Variants in SRP54 observed in about 807,000 individuals in gnomAD.
The protein encoded by SRP54 is signal recognition particle subunit SRP54.
A neutral mutation model predicts 64.8 loss-of-function variants in SRP54; 10 were observed. That is an observed-to-expected ratio of 0.15 (90% CI 0.10 to 0.26). SRP54 has a LOEUF of 0.26. Ranked by LOEUF, SRP54 falls within the 10% of genes least tolerant of loss-of-function variation. SRP54 has a pLI of 1.00. For missense variants in SRP54, 325 were observed against 613.7 expected (o/e 0.53, Z 4.97); for synonymous variants, 193 against 185.6 (o/e 1.04, Z -0.32).
chr14:35,016,856 TTTTTC>T (rs1595008272), intron 11 of SRP54, among the ~76,000 whole-genome samples: 3 of 144,284 alleles, frequency 2.1e-5, no homozygotes, highest in Admixed American at 6.9e-5. Flanking sequence ...TTTTTTTTTT[TTTTTC>T]TTCTTTTTTT....
Position 35,022,896 on chromosome 14 carries a change from G to T in SRP54, c.1157-14G>T. 1 of 1,587,452 alleles carries T rather than the reference G, an allele frequency of 6.3e-7. No individual in the cohort carries two copies. The highest frequency in any genetic ancestry group is 8.6e-7 in the Non-Finnish European group (1 of 1,165,860). ...ATGATAATTGTGTGTGAGAGTAACT[G>T]ACCTTGTCTACAGAACTAGACAGTA... On this transcript the variant is annotated splice_polypyrimidine_tract_variant and intron_variant, in intron 13 of 15. Coordinates refer to ENST00000216774, the MANE Select transcript of SRP54 (RefSeq NM_003136.4).
intron 1 of SRP54, among the ~76,000 whole-genome samples, chr14:34,994,307 C>G (rs891438319): frequency 1.3e-5 from 2 of 152,102 alleles, no homozygotes; most frequent in Admixed American, 6.6e-5. Context: ...TGCTGTTTCT[C>G]TTATTTTTAA....
chr14:35,002,999 G>T (rs2044201941), intron 4 of SRP54, among the ~76,000 whole-genome samples: 1 of 152,018 alleles, frequency 6.6e-6, no homozygotes, highest in South Asian at 2.1e-4. Flanking sequence ...ACCTGCCTTG[G>T]CCTCCCAAAG....
chr14:35,013,518 C>A, intron 9 of SRP54, 24 bp downstream of exon 9: 1 of 1,609,510 alleles, frequency 6.2e-7, no homozygotes, highest in Non-Finnish European at 8.5e-7. Flanking sequence ...ATACTGTTGT[C>A]CTCTGTCTTG....
intron 1 of SRP54, among the ~76,000 whole-genome samples, chr14:34,991,118 T>C (rs903316377): frequency 1.3e-4 from 17 of 130,534 alleles, no homozygotes; most frequent in African/African-American, 4.4e-4. Context: ...TCTTTTTTTT[T>C]TTTTTTTTTT....
At chr14:35,026,990 C>G (rs2044639080) in intron 14 of SRP54, among the ~76,000 whole-genome samples, 1 of 151,522 alleles carries the variant, frequency 6.6e-6, no homozygotes. Flanking sequence ...TACACATCTT[C>G]ACGTTCTCTC....
chr14:35,015,597 A>G (rs972789938), intron 11 of SRP54, among the ~76,000 whole-genome samples: 3 of 151,272 alleles, frequency 2.0e-5, no homozygotes, highest in South Asian at 2.1e-4. Flanking sequence ...TTTGTCATCT[A>G]TAAAACGTAC....
At chr14:35,001,338 A>G (rs1402759451) in intron 4 of SRP54, among the ~76,000 whole-genome samples, 1 of 151,928 alleles carries the variant, frequency 6.6e-6, no homozygotes, top group Non-Finnish European at 1.5e-5. Flanking sequence ...TTTAGTAGAG[A>G]CGGGGTTTCT....
chr14:34,995,549 C>G (rs1306255018), intron 1 of SRP54, among the ~76,000 whole-genome samples: 1 of 152,150 alleles, frequency 6.6e-6, no homozygotes, highest in Non-Finnish European at 1.5e-5. Context: ...AGGGCAGGGA[C>G]TACAAATCAT....
chr14:35,023,886 T>G (rs916069378), intron 14 of SRP54, among the ~76,000 whole-genome samples: 1 of 152,208 alleles, frequency 6.6e-6, no homozygotes, highest in Admixed American at 6.6e-5. Context: ...GCCACTTTTT[T>G]GGACAGTAAG....
intron 1 of SRP54, among the ~76,000 whole-genome samples, chr14:34,986,296 CAG>C (rs777508841): frequency 6.6e-5 from 10 of 152,132 alleles, no homozygotes; most frequent in African/African-American, 1.7e-4. Flanking sequence ...TAAGTTAAGA[CAG>C]AGGTGGTATG....
chr14:34,994,689 T>C (rs1236455917), intron 1 of SRP54, among the ~76,000 whole-genome samples: 1 of 152,178 alleles, frequency 6.6e-6, no homozygotes, highest in African/African-American at 2.4e-5. Flanking sequence ...CTCCACTTAC[T>C]CAAATTCTAC....
chr14:34,999,735 C>G, intron 3 of SRP54, 86 bp downstream of exon 3: 1 of 979,936 alleles, frequency 1.0e-6, no homozygotes, highest in Non-Finnish European at 1.6e-6. Flanking sequence ...TTTGCTGTAT[C>G]AGGAATCATT....
At chr14:35,026,614 A>G (rs1371194179) in intron 14 of SRP54, among the ~76,000 whole-genome samples, 1 of 152,088 alleles carries the variant, frequency 6.6e-6, no homozygotes, top group Non-Finnish European at 1.5e-5. Flanking sequence ...AAGTTGCATT[A>G]TTTGTCTTTG....
intron 3 of SRP54, 58 bp from the exon 4 acceptor site, chr14:35,000,878 T>TA (rs1566646370): frequency 3.3e-6 from 3 of 901,298 alleles, no homozygotes; most frequent in African/African-American, 1.7e-5. Context: ...TTCTTTTTCT[T>TA]AGAGTTTCTT....
chr14:35,003,067 C>T (rs1352546469), intron 4 of SRP54, among the ~76,000 whole-genome samples: 1 of 151,974 alleles, frequency 6.6e-6, no homozygotes, highest in Non-Finnish European at 1.5e-5. Flanking sequence ...TTGTTAGGGG[C>T]TCGTAACTGT....
At chr14:35,008,553 G>A (rs372371127) in intron 5 of SRP54, 74 bp from the exon 6 acceptor site, 8 of 1,041,044 alleles carry the variant, frequency 7.7e-6, no homozygotes, top group Non-Finnish European at 1.3e-6. Flanking sequence ...AAATAATAAG[G>A]AAAAACAGAA....
Position 35,013,334 on chromosome 14 carries a change from T to A in SRP54, c.637-12T>A, listed in dbSNP as rs763374105. On this transcript the variant is annotated splice_polypyrimidine_tract_variant and intron_variant, in intron 8 of 15. Transcript: ENST00000216774. ...TCTTTTCTAAAGTATCTTTTCTATTTAAACTTTCTAGCAACCTGATAACAT... is the reference window on the plus strand; with the variant it reads ...TCTTTTCTAAAGTATCTTTTCTATTAAAACTTTCTAGCAACCTGATAACAT... 2.5e-6 allele frequency: 4 copies of A among 1,610,072 alleles called. No individual in the cohort carries two copies. The South Asian group carries it at 3.3e-5, about 13-fold the overall frequency.
intron 1 of SRP54, among the ~76,000 whole-genome samples, chr14:34,989,593 T>C (rs1377898231): frequency 6.6e-6 from 1 of 152,198 alleles, no homozygotes; most frequent in Non-Finnish European, 1.5e-5. Flanking sequence ...TAATTGTTTA[T>C]GTAGAGAAAG....
Sources: allele counts gnomAD v4.1 joint callset (sites outside exome capture counted in the v4.1 genomes callset), GRCh38; gene constraint gnomAD v4.1.1; transcripts MANE v1.5; gene names NCBI Gene and HGNC (gene_info 2026-07-23, HGNC 2026-07-21).